TJP1: variants seen among roughly 807,000 people sequenced by gnomAD.
The protein encoded by TJP1 is tight junction protein ZO-1.
TJP1 carries 43 observed loss-of-function variants against 194.2 expected under a neutral mutation model. The ratio of observed to expected loss-of-function variants is 0.22; its 90% confidence interval spans 0.17 to 0.29. TJP1 has a LOEUF of 0.29. TJP1 is among the 10% of genes least tolerant of loss of function. The pLI, the probability that TJP1 is intolerant of heterozygous loss-of-function variation, is 1.00. For synonymous variants in TJP1, 801 were observed against 779.0 expected, an observed-to-expected ratio of 1.03 and a Z score of -0.47; for missense variants, 1,971 against 2,185.7, an observed-to-expected ratio of 0.90 and a Z score of 1.96.
chr15:29,939,244 G>A (rs1026407547), intron 2 of TJP1, among the ~76,000 whole-genome samples: 2 of 152,128 alleles, frequency 1.3e-5, no homozygotes, highest in African/African-American at 4.8e-5. Context: ...TACTTTCCTG[G>A]TAATGCTTCA....
intron 2 of TJP1, among the ~76,000 whole-genome samples, chr15:29,833,881 A>ATTTTTGTTTTTTTT (rs2050928286): frequency 7.9e-5 from 1 of 12,618 alleles, no homozygotes; most frequent in Admixed American, 1.3e-3. Context: ...ATATATATAT[A>ATTTTTGTTTTTTTT]TTTTTTTTTT....
intron 22 of TJP1, 32 bp from the exon 23 acceptor site, chr15:29,716,870 T>C (rs982303366): frequency 3.3e-6 from 5 of 1,519,666 alleles, no homozygotes; most frequent in Non-Finnish European, 4.5e-6. Context: ...ACGGAACACC[T>C]TTTTAAATAT....
chr15:29,878,112 C>T (rs769212213), intron 2 of TJP1, among the ~76,000 whole-genome samples: 9 of 152,042 alleles, frequency 5.9e-5, no homozygotes, highest in Non-Finnish European at 8.8e-5. Flanking sequence ...TGCAGTGGTG[C>T]GATCTCAGCT....
chr15:29,874,846 G>A (rs1347865710), intron 2 of TJP1, among the ~76,000 whole-genome samples: 1 of 152,170 alleles, frequency 6.6e-6, no homozygotes, highest in Non-Finnish European at 1.5e-5. Flanking sequence ...AAAATGTGGT[G>A]CCTAATTGAT....
intron 2 of TJP1, among the ~76,000 whole-genome samples, chr15:29,916,240 CAA>C (rs199907379): frequency 0.22 from 20,760 of 96,346 alleles, 1,579 homozygotes; most frequent in East Asian, 0.4. Flanking sequence ...GACTCTGTCT[CAA>C]AAAAAAAAAA....
At position 29,902,899 on chromosome 15, in the gene TJP1, C is replaced by T. The variant is rs562165107; in HGVS notation, c.306+53333G>A. Among the ~76,000 whole-genome samples the T allele has an allele frequency of 9.2e-5, 14 of 152,108 alleles. No individual in the cohort carries two copies. In the South Asian group the frequency reaches 1.9e-3, roughly 20 times the overall value. On this transcript the variant is annotated intron_variant, in intron 2 of 28. Transcript: ENST00000356107. ...AAATAGAAAAATTAGCCAGGCGTGG[C>T]GGCGGGCGCCTGTAATCCCAGCTAC...
At position 29,720,515 on chromosome 15, in the gene TJP1, G is replaced by A; in HGVS notation, c.2606C>T (p.Pro869Leu). ...GGACCGTGTAATGGCAGACTCCGGT[G>A]GAGTCCCAACCTCATCATTAAGAGT... ...DETLNDEVGT[P>L]PESAITRSSE... The change falls in exon 19 of 28, where the codon CCA (proline) becomes CTA (leucine). Residue 869 changes from proline to leucine, a missense_variant. Pro to Leu is a moderately conservative substitution (Grantham distance 98). Around this residue, in one of 5 missense-constraint regions of TJP1, gnomAD observed 1,108 missense variants for 1,128.5 expected, o/e 0.98. Coordinates refer to ENST00000614355, the MANE Select transcript of TJP1 (RefSeq NM_001330239.4). The A allele has an allele frequency of 6.2e-7, 1 of 1,614,092 alleles. No individual in the cohort carries two copies. The highest frequency in any genetic ancestry group is 8.5e-7 in the Non-Finnish European group (1 of 1,180,018).
chr15:29,725,373 G>A (rs1311432623), intron 18 of TJP1, among the ~76,000 whole-genome samples: 1 of 152,130 alleles, frequency 6.6e-6, no homozygotes, highest in African/African-American at 2.4e-5. Context: ...AGAGGACATG[G>A]GGGGTCCTAA....
chr15:29,958,437 A>C (rs981281203), intron 1 of TJP1, among the ~76,000 whole-genome samples: 2 of 151,944 alleles, frequency 1.3e-5, no homozygotes, highest in Non-Finnish European at 2.9e-5. Flanking sequence ...ATATGTTTAG[A>C]TCTATTCCTG....
chr15:29,824,615 A>C (rs1330857452), upstream of TJP1, among the ~76,000 whole-genome samples: 7 of 152,178 alleles, frequency 4.6e-5, no homozygotes, highest in African/African-American at 1.7e-4. Flanking sequence ...CCATTTAAAA[A>C]GGTTTGGGAA....
In TJP1 at chr15:29,761,752, T is replaced by C; in HGVS notation, c.711A>G (p.Thr237=). The C allele has an allele frequency of 6.4e-7, 1 of 1,570,594 alleles. No individual in the cohort carries two copies. The highest frequency in any genetic ancestry group is 8.7e-7 in the Non-Finnish European group (1 of 1,148,346). ...TTGCATCTGTCAATGACATATTTTCTGTCACAGTACCATTTATCTGCAACA... is the reference window on the plus strand; with the variant it reads ...TTGCATCTGTCAATGACATATTTTCCGTCACAGTACCATTTATCTGCAACA... ...DVVLKINGTV[T]ENMSLTDAKT... is the part of the protein sequence containing the mutation. Residue 237 remains threonine, a synonymous_variant, in exon 7 of 28, where the codon ACA becomes ACG. Transcript: ENST00000614355.
chr15:29,856,246 A>T (rs2051846509), intron 2 of TJP1, among the ~76,000 whole-genome samples: 1 of 151,500 alleles, frequency 6.6e-6, no homozygotes, highest in Non-Finnish European at 1.5e-5. Flanking sequence ...CTGTCACTTT[A>T]AAAAAAAATG....
intron 8 of TJP1, among the ~76,000 whole-genome samples, chr15:29,748,953 TGCGC>T (rs935676407): frequency 0.024 from 778 of 32,280 alleles, 2 homozygotes; most frequent in African/African-American, 0.043. Flanking sequence ...TGTGTGTGTG[TGCGC>T]GTGTGTGCGC....
chr15:29,845,734 G>A (rs1450346192), intron 2 of TJP1, among the ~76,000 whole-genome samples: 2 of 152,174 alleles, frequency 1.3e-5, no homozygotes, highest in African/African-American at 4.8e-5. Context: ...AAACCGGGAG[G>A]CGGAGCTTAT....
At chr15:29,950,189 A>ACAACCACTACCTCCACCT (rs2055679391) in intron 2 of TJP1, among the ~76,000 whole-genome samples, 4 of 100,654 alleles carry the variant, frequency 4.0e-5, no homozygotes, top group Non-Finnish European at 8.6e-5. Context: ...CACCTCCACC[A>ACAACCACTACCTCCACCT]CCACCACCAC....
chr15:29,720,225 A>T, intron 19 of TJP1, 133 bp downstream of exon 19: 1 of 1,100,952 alleles, frequency 9.1e-7, no homozygotes, highest in Non-Finnish European at 1.3e-6. Flanking sequence ...AGCCCTTGGT[A>T]CTCTCAAATT....
intron 8 of TJP1, among the ~76,000 whole-genome samples, chr15:29,743,823 T>C (rs1015839704): frequency 6.6e-6 from 1 of 152,162 alleles, no homozygotes; most frequent in African/African-American, 2.4e-5. Context: ...GATGTACAAA[T>C]ACGTAATAAA....
intron 2 of TJP1, among the ~76,000 whole-genome samples, chr15:29,905,324 G>T (rs2053770837): frequency 6.6e-6 from 1 of 152,134 alleles, no homozygotes; most frequent in South Asian, 2.1e-4. Flanking sequence ...CATGTGCAAA[G>T]ATTTTAAAAG....
chr15:29,726,399 C>A lies in TJP1; in HGVS notation c.2392G>T (p.Val798Leu). The change falls in exon 18 of 28, where the codon GTA (valine) becomes TTA (leucine). Residue 798 changes from valine to leucine, a missense_variant. Physicochemically the swap from Val to Leu is conservative, Grantham distance 32. Transcript: ENST00000614355. The part of the protein sequence containing the change: ...EAIQQQQNQL[V>L]WVSEGKADGA... ...CTTACCTTTCCCTCGGAAACCCATA[C>A]CAGCTGGTTTTGCTGTTGTTGAATT... 7 of 1,614,080 alleles carry A rather than the reference C, an allele frequency of 4.3e-6. No individual in the cohort carries two copies. Among genetic ancestry groups the A allele is most frequent in the Non-Finnish European group, 5.9e-6 (7 of 1,179,964 alleles).
Sources: gnomAD v4.1 joint callset for allele counts (sites outside exome capture counted in the v4.1 genomes callset) on GRCh38, gnomAD v4.1.1 for gene constraint, gnomAD v4.1.1 regional missense constraint, MANE v1.5 for transcripts, NCBI Gene and HGNC (gene_info 2026-07-23, HGNC 2026-07-21) for gene names.